TMEM132B: variants seen among roughly 807,000 people sequenced by gnomAD.
TMEM132B encodes the protein transmembrane protein 132B.
A neutral mutation model predicts 90.8 loss-of-function variants in TMEM132B; 18 were observed. The observed-to-expected ratio is 0.20, with a 90% CI of 0.14 to 0.29. The LOEUF is 0.29. Among genes scored for constraint, TMEM132B ranks in the 10% least tolerant of loss-of-function variants. The pLI is 1.00. For synonymous variants in TMEM132B, 504 were observed against 523.3 expected, an observed-to-expected ratio of 0.96 and a Z score of 0.50; for missense variants, 1,096 against 1,326.8, an observed-to-expected ratio of 0.83 and a Z score of 2.70.
At chr12:125,579,982 C>A (rs183695871) in intron 4 of TMEM132B, among the ~76,000 whole-genome samples, 28 of 152,184 alleles carry the variant, frequency 1.8e-4, no homozygotes, top group Non-Finnish European at 3.2e-4. Context: ...CTTTTATAAA[C>A]TAATTCTGTA....
At chr12:125,195,444 G>T (rs1167576110) in intron 1 of TMEM132B, among the ~76,000 whole-genome samples, 1 of 134,984 alleles carries the variant, frequency 7.4e-6, no homozygotes, top group African/African-American at 2.8e-5. Flanking sequence ...TGTTGCCCAG[G>T]CTGGAGTGCA....
intron 1 of TMEM132B, among the ~76,000 whole-genome samples, chr12:125,272,990 A>G (rs748221862): frequency 1.3e-5 from 2 of 152,186 alleles, no homozygotes; most frequent in Admixed American, 6.5e-5. Context: ...TGAACACACA[A>G]ACATCTCTAT....
chr12:125,206,995 A>T (rs1379913877), intron 1 of TMEM132B, among the ~76,000 whole-genome samples: 1 of 152,138 alleles, frequency 6.6e-6, no homozygotes, highest in Non-Finnish European at 1.5e-5. Flanking sequence ...TTCTCTGTGC[A>T]GGTCTGTGAG....
intron 3 of TMEM132B, among the ~76,000 whole-genome samples, chr12:125,441,908 A>G (rs950535542): frequency 6.6e-6 from 1 of 152,250 alleles, no homozygotes; most frequent in African/African-American, 2.4e-5. Flanking sequence ...TTCTTCCCTC[A>G]GCAGATATGC....
At position 125,340,576 on chromosome 12, in the gene TMEM132B, A is replaced by C. The variant is rs1450712167; in HGVS notation, c.68-8876A>C. ...GGTTGGTATTCTCTGTTGTATTTCA[A>C]ATTGTGTGCATTTGCCTTCAACTGT... On this transcript the variant is annotated intron_variant, in intron 1 of 8. Transcript: ENST00000682704. 1.3e-5 allele frequency among the ~76,000 whole-genome samples: 2 copies of C among 152,300 alleles called. 1 individual carries two copies. The highest frequency in any genetic ancestry group is 4.1e-4 in the South Asian group (2 of 4,824).
chr12:125,575,083 T>TATATATATATATATATATATA (rs61155232), intron 4 of TMEM132B, among the ~76,000 whole-genome samples: 531 of 114,438 alleles, frequency 4.6e-3, no homozygotes, highest in Non-Finnish European at 6.8e-3. Flanking sequence ...TATATATATA[T>TATATATATATATATATATATA]TCAGGAGTAG....
chr12:125,495,970 A>T (rs971156055), intron 3 of TMEM132B, among the ~76,000 whole-genome samples: 1 of 152,226 alleles, frequency 6.6e-6, no homozygotes, highest in Non-Finnish European at 1.5e-5. Context: ...AACATTTAAT[A>T]TGCAAGGTGT....
intron 2 of TMEM132B, among the ~76,000 whole-genome samples, chr12:125,366,431 T>C (rs1355757893): frequency 6.6e-6 from 1 of 152,150 alleles, no homozygotes; most frequent in Non-Finnish European, 1.5e-5. Flanking sequence ...TTTGTTATTT[T>C]TTTTATTGTC....
At chr12:125,578,334 C>T (rs191827222) in intron 4 of TMEM132B, among the ~76,000 whole-genome samples, 1 of 152,092 alleles carries the variant, frequency 6.6e-6, no homozygotes, top group African/African-American at 2.4e-5. Flanking sequence ...TTGATTGACT[C>T]ATTTTATACA....
chr12:125,505,700 G>GAA (rs34696111), intron 3 of TMEM132B, among the ~76,000 whole-genome samples: 2 of 130,960 alleles, frequency 1.5e-5, no homozygotes. Context: ...CCCCGTCTCA[G>GAA]AAAAAAAAAA....
In TMEM132B at chr12:125,251,277, C is replaced by G. The variant is rs1046051582; in HGVS notation, c.67+64411C>G. Among the ~76,000 whole-genome samples, 2 of 152,146 alleles carry G rather than the reference C, an allele frequency of 1.3e-5. No individual in the cohort carries two copies. The highest frequency in any genetic ancestry group is 2.9e-5 in the Non-Finnish European group (2 of 68,026). On this transcript the variant is annotated intron_variant, in intron 1 of 8. Transcript: ENST00000682704. This position sits in a 1 kb window ranked among gnomAD's most constrained non-coding sequence, Gnocchi z 4.4. ...TATCAAAAACTATCATTAATTTGGG[C>G]TGAACCAGCCAGTTTTAAACATTCA...
intron 1 of TMEM132B, among the ~76,000 whole-genome samples, chr12:125,318,926 A>G (rs1445592401): frequency 6.6e-6 from 1 of 152,212 alleles, no homozygotes; most frequent in African/African-American, 2.4e-5. Flanking sequence ...TAAGGAAAAA[A>G]TTAGTCTGGA....
intron 3 of TMEM132B, among the ~76,000 whole-genome samples, chr12:125,511,566 C>T (rs1316471116): frequency 9.9e-5 from 15 of 151,866 alleles, no homozygotes; most frequent in Non-Finnish European, 1.8e-4. Context: ...AAAAAGCATC[C>T]CAGGCCGGGC....
At chr12:125,508,787 T>A (rs1426274193) in intron 3 of TMEM132B, among the ~76,000 whole-genome samples, 1 of 151,132 alleles carries the variant, frequency 6.6e-6, no homozygotes, top group Non-Finnish European at 1.5e-5. Flanking sequence ...TTTCTTTTTT[T>A]TTTTTTTTAG....
At position 125,652,498 on chromosome 12, in the gene TMEM132B, G is replaced by A; in HGVS notation, c.1972G>A (p.Asp658Asn). 1 of 1,613,402 alleles carries A rather than the reference G, an allele frequency of 6.2e-7. No homozygotes were observed. The highest frequency in any genetic ancestry group is 8.5e-7 in the Non-Finnish European group (1 of 1,179,616). The change falls in exon 8 of 9, where the codon GAC becomes AAC. Residue 658 changes from aspartate to asparagine, a missense_variant. Transcript: ENST00000682704. ...LAEKTVIVLDDRVTIAELGVQ... is the reference protein window; with the variant it reads ...LAEKTVIVLDNRVTIAELGVQ... ...TGAGAAGACGGTGATTGTCCTGGAT[G>A]ACCGAGTCACCATCGCGGAGCTGGG...
At chr12:125,305,871 A>C (rs980884764) in intron 1 of TMEM132B, among the ~76,000 whole-genome samples, 5 of 152,112 alleles carry the variant, frequency 3.3e-5, no homozygotes, top group African/African-American at 1.2e-4. Flanking sequence ...ACAACTCTGT[A>C]CTCCAGTGAA....
chr12:125,222,541 T>C (rs11058071), intron 1 of TMEM132B, among the ~76,000 whole-genome samples: 6,133 of 152,328 alleles, frequency 0.04, 145 homozygotes, highest in Non-Finnish European at 0.049. Flanking sequence ...CATTTGTTCT[T>C]GGAACTGCTT....
chr12:125,319,909 G>C (rs1876381735), intron 1 of TMEM132B, among the ~76,000 whole-genome samples: 1 of 152,182 alleles, frequency 6.6e-6, no homozygotes, highest in Non-Finnish European at 1.5e-5. Flanking sequence ...CCAGCCACTT[G>C]GGAGGCTGAG....
chr12:125,653,766 A>G lies in TMEM132B; in HGVS notation c.2308A>G (p.Ile770Val). The change falls in exon 9 of 9, where the codon ATA (isoleucine) becomes GTA (valine). Residue 770 changes from isoleucine (I) to valine (V), a missense_variant. Transcript: ENST00000682704. ...QGPLIKLEMM[I>V]SEPCQKTKRK... Reference sequence around the variant, plus strand: ...GCCTTTGATTAAGTTAGAAATGATGATAAGTGAACCTTGTCAGAAGACCAA... The same window carrying G: ...GCCTTTGATTAAGTTAGAAATGATGGTAAGTGAACCTTGTCAGAAGACCAA... 1 of 1,614,212 alleles carries G rather than the reference A, an allele frequency of 6.2e-7. No homozygotes were observed. Among genetic ancestry groups the G allele is most frequent in the Non-Finnish European group, 8.5e-7 (1 of 1,180,044 alleles).
Sources: allele counts gnomAD v4.1 joint callset (sites outside exome capture counted in the v4.1 genomes callset), GRCh38; gene constraint gnomAD v4.1.1; non-coding constraint Gnocchi (gnomAD v3.1); transcripts MANE v1.5; gene names NCBI Gene and HGNC (gene_info 2026-07-23, HGNC 2026-07-21).